The following EPHA5 variants were observed in gnomAD, a reference collection of about 807,000 sequenced individuals.
The protein encoded by EPHA5 is ephrin type-A receptor 5.
EPHA5 carries 60 observed loss-of-function variants against 105.0 expected under a neutral mutation model. The ratio of observed to expected loss-of-function variants is 0.57; its 90% CI spans 0.46 to 0.71. EPHA5 has a LOEUF of 0.71. EPHA5 is among the 30% of genes least tolerant of loss of function. EPHA5 has a pLI of 0.00. For missense variants in EPHA5, 1,218 were observed against 1,274.7 expected, an observed-to-expected ratio of 0.96 and a Z score of 0.68; for synonymous variants, 513 against 449.1, an observed-to-expected ratio of 1.14 and a Z score of -1.80.
chr4:65,645,740 G>A (rs1425223068), intron 1 of EPHA5, among the ~76,000 whole-genome samples: 3 of 151,560 alleles, frequency 2.0e-5, no homozygotes, highest in Non-Finnish European at 2.9e-5. Flanking sequence ...GAATACATGA[G>A]AATAACTACA....
At position 65,384,861 on chromosome 4, in the gene EPHA5, C is replaced by T. The variant is rs367831664; in HGVS notation, c.1794-17437G>A. Among the ~76,000 whole-genome samples, 132 of 151,842 alleles carry T rather than the reference C, an allele frequency of 8.7e-4. 5 individuals carry two copies. In the South Asian group the frequency reaches 0.027, roughly 31 times the overall value. On this transcript the variant is annotated intron_variant, in intron 8 of 16. Coordinates refer to ENST00000613740, the MANE Select transcript of EPHA5 (RefSeq NM_001281766.3). ...AATCATGTTTCTTACTCCTGCAGAACGATGCCTACACTGAGCAAACATCAA... is the reference window on the plus strand; with the variant it reads ...AATCATGTTTCTTACTCCTGCAGAATGATGCCTACACTGAGCAAACATCAA...
intron 3 of EPHA5, among the ~76,000 whole-genome samples, chr4:65,567,602 T>C (rs1001211636): frequency 1.3e-5 from 2 of 151,526 alleles, no homozygotes; most frequent in Admixed American, 1.3e-4. Context: ...GGAATAAAAA[T>C]GCCATACTCT....
rs1000499552 is a variant in EPHA5 at position 65,555,608 on chromosome 4, T to A, written c.910+46033A>T. Among the ~76,000 whole-genome samples the A allele has an allele frequency of 4.0e-5, 6 of 150,892 alleles. 1 individual carries two copies. Among genetic ancestry groups the A allele is most frequent in the Admixed American group, 3.9e-4 (6 of 15,218 alleles). On this transcript the variant is annotated intron_variant, in intron 3 of 16. Coordinates refer to ENST00000613740, the MANE Select transcript of EPHA5 (RefSeq NM_001281766.3). Reference sequence around the variant, plus strand: ...TTCTCCAAAGTTACTAGTTTTGTTTTCTTTTGAATTTCACATATTACGTAT... The same window carrying A: ...TTCTCCAAAGTTACTAGTTTTGTTTACTTTTGAATTTCACATATTACGTAT...
rs755793306 is a variant in EPHA5 at position 65,490,611 on chromosome 4, A to C, written c.1168T>G (p.Ser390Ala). The part of the protein sequence containing the change: ...PADTGGRKDV[S>A]YYIACKKCNS... Reference sequence around the variant, plus strand: ...CACTTCTTGCATGCAATATAATATGACACGTCTTTCCTTCCACCAGTGTCA... The same window carrying C: ...CACTTCTTGCATGCAATATAATATGCCACGTCTTTCCTTCCACCAGTGTCA... The change falls in exon 5 of 17, where the codon TCA becomes GCA. Residue 390 changes from serine (S) to alanine (A), a missense_variant. Ser to Ala is a moderately conservative substitution (Grantham distance 99). Around this residue, in one of 3 missense-constraint regions of EPHA5, gnomAD observed 971 missense variants for 1,013.5 expected, o/e 0.96. Transcript: ENST00000613740. The C allele has an allele frequency of 1.2e-6, 2 of 1,614,108 alleles. No homozygotes were observed. The highest frequency in any genetic ancestry group is 1.7e-6 in the Non-Finnish European group (2 of 1,180,006).
chr4:65,529,609 C>T (rs1156676552), intron 3 of EPHA5, among the ~76,000 whole-genome samples: 2 of 151,782 alleles, frequency 1.3e-5, no homozygotes, highest in Non-Finnish European at 2.9e-5. Flanking sequence ...TTTCATTGTG[C>T]ATATGTTAGA....
intron 3 of EPHA5, among the ~76,000 whole-genome samples, chr4:65,585,210 T>G (rs975259725): frequency 4.0e-5 from 6 of 151,534 alleles, no homozygotes; most frequent in Admixed American, 1.3e-4. Flanking sequence ...TATATAGAAT[T>G]TGCTATAAAT....
chr4:65,402,800 AT>A (rs1223541790), intron 8 of EPHA5, among the ~76,000 whole-genome samples: 1 of 152,192 alleles, frequency 6.6e-6, no homozygotes, highest in African/African-American at 2.4e-5. Flanking sequence ...ACATTGTCAC[AT>A]GGTAGTTTTC....
intron 5 of EPHA5, among the ~76,000 whole-genome samples, chr4:65,462,572 G>A (rs1024839979): frequency 6.6e-6 from 1 of 152,270 alleles, no homozygotes; most frequent in South Asian, 2.1e-4. Flanking sequence ...TTCAGTGGGG[G>A]AGGCTAGAGT....
chr4:65,561,289 T>A, intron 3 of EPHA5, among the ~76,000 whole-genome samples: 1 of 152,118 alleles, frequency 6.6e-6, no homozygotes, highest in Non-Finnish European at 1.5e-5. Flanking sequence ...TCTATACTCA[T>A]GACAGCAGCA....
At chr4:65,412,972 C>G (rs2149014352) in intron 7 of EPHA5, among the ~76,000 whole-genome samples, 1 of 152,096 alleles carries the variant, frequency 6.6e-6, no homozygotes, top group Admixed American at 6.6e-5. Flanking sequence ...CGGCTTTGTT[C>G]CCAGAGTTGG....
intron 2 of EPHA5, among the ~76,000 whole-genome samples, chr4:65,615,934 C>T (rs182830016): frequency 4.9e-4 from 75 of 151,984 alleles, no homozygotes; most frequent in African/African-American, 1.7e-3. Context: ...CACTCTTCAA[C>T]ATCTATACCT....
At chr4:65,638,198 T>G (rs1453001064) in intron 2 of EPHA5, among the ~76,000 whole-genome samples, 1 of 152,162 alleles carries the variant, frequency 6.6e-6, no homozygotes, top group Non-Finnish European at 1.5e-5. Flanking sequence ...ATAAGGCATT[T>G]TGAATTCCCA....
At chr4:65,327,804 AAAT>A in intron 16 of EPHA5, among the ~76,000 whole-genome samples, 1 of 151,176 alleles carries the variant, frequency 6.6e-6, no homozygotes, top group Non-Finnish European at 1.5e-5. Flanking sequence ...ATAACTGTTC[AAAT>A]ATTACTAAAC....
At chr4:65,512,842 C>A (rs1465318987) in intron 3 of EPHA5, among the ~76,000 whole-genome samples, 4 of 152,030 alleles carry the variant, frequency 2.6e-5, no homozygotes, top group African/African-American at 9.7e-5. Context: ...ATATCATCAA[C>A]ATGAAATGTA....
At chr4:65,465,523 GAAAGA>G (rs767930431) in intron 5 of EPHA5, among the ~76,000 whole-genome samples, 27 of 86,472 alleles carry the variant, frequency 3.1e-4, no homozygotes, top group South Asian at 8.2e-4. Flanking sequence ...AAGAAAGAAA[GAAAGA>G]AAAGAAAGGA....
At chr4:65,421,551 T>C (rs1197148661) in intron 5 of EPHA5, among the ~76,000 whole-genome samples, 1 of 152,112 alleles carries the variant, frequency 6.6e-6, no homozygotes, top group East Asian at 1.9e-4. Context: ...ATATGTTTCA[T>C]AACACAACAG....
chr4:65,366,967 GA>G (rs140157603), intron 9 of EPHA5, among the ~76,000 whole-genome samples: 19,849 of 147,034 alleles, frequency 0.13, 1,390 homozygotes, highest in Middle Eastern at 0.2. Context: ...AAAGCTAGAA[GA>G]AAAAAAAAAC....
intron 3 of EPHA5, among the ~76,000 whole-genome samples, chr4:65,595,288 G>A (rs1743060439): frequency 6.6e-6 from 1 of 151,980 alleles, no homozygotes; most frequent in Non-Finnish European, 1.5e-5. Context: ...CACATTCCTA[G>A]GATACAGGAA....
intron 5 of EPHA5, among the ~76,000 whole-genome samples, chr4:65,456,322 A>ATTTTT (rs201174135): frequency 1.4e-5 from 2 of 147,724 alleles, no homozygotes; most frequent in Non-Finnish European, 3.0e-5. Flanking sequence ...CTGTTCTTCG[A>ATTTTT]TTTTTTTTTT....
Sources: gnomAD v4.1 joint callset for allele counts (sites outside exome capture counted in the v4.1 genomes callset) on GRCh38, gnomAD v4.1.1 for gene constraint, gnomAD v4.1.1 regional missense constraint, MANE v1.5 for transcripts, NCBI Gene and HGNC (gene_info 2026-07-23, HGNC 2026-07-21) for gene names.